The following MYO18B variants were observed in gnomAD, a reference collection of about 807,000 sequenced individuals.
The protein encoded by MYO18B is unconventional myosin-XVIIIb.
A neutral mutation model predicts 273.0 loss-of-function variants in MYO18B; 204 were observed. That is an observed-to-expected ratio of 0.75 (90% confidence interval 0.67 to 0.84). The LOEUF is 0.84. Among genes scored for constraint, MYO18B ranks in the 40% least tolerant of loss-of-function variants. The pLI, the probability that MYO18B is intolerant of heterozygous loss-of-function variation, is 0.00. For missense variants in MYO18B, 3,212 were observed against 3,287.6 expected, an observed-to-expected ratio of 0.98 and a Z score of 0.56; for synonymous variants, 1,330 against 1,305.7, an observed-to-expected ratio of 1.02 and a Z score of -0.40.
intron 12 of MYO18B, among the ~76,000 whole-genome samples, chr22:25,803,913 A>G (rs1233426308): frequency 1.3e-5 from 2 of 150,418 alleles, no homozygotes; most frequent in African/African-American, 4.9e-5. Context: ...GTTGGGGTTT[A>G]CACTATTTTG....
chr22:26,022,882 G>C (rs146451778), intron 42 of MYO18B, among the ~76,000 whole-genome samples: 330 of 152,346 alleles, frequency 2.2e-3, no homozygotes, highest in Admixed American at 3.9e-3. Flanking sequence ...TGCCAGCATA[G>C]CTGGGAACCT....
intron 36 of MYO18B, among the ~76,000 whole-genome samples, chr22:25,948,408 T>G (rs1361951006): frequency 1.4e-4 from 2 of 13,820 alleles, no homozygotes; most frequent in Non-Finnish European, 5.0e-4. Context: ...TTTCCTGTCT[T>G]TCCTTCCTTC....
intron 40 of MYO18B, among the ~76,000 whole-genome samples, chr22:25,997,978 C>CACACACACACACGAGA (rs34431605): frequency 5.5e-5 from 8 of 144,548 alleles, no homozygotes; most frequent in African/African-American, 2.1e-4. Flanking sequence ...CACACACACA[C>CACACACACACACGAGA]GAGAGAGAGA....
chr22:25,903,823 C>G lies in MYO18B; in HGVS notation c.5140C>G (p.Leu1714Val). The change falls in exon 31 of 44, where the codon CTG becomes GTG. Residue 1714 changes from leucine (L) to valine (V), a missense_variant. Leu to Val is a conservative substitution (Grantham distance 32). Coordinates refer to ENST00000335473, the MANE Select transcript of MYO18B (RefSeq NM_032608.7). ...QSQQENTIKQ[L>V]EQLRQRFELE... Reference sequence around the variant, plus strand: ...CCAGCAGGAAAACACCATCAAGCAGCTGGAGCAGGTAGGAAAGCCCTGTCT... The same window carrying G: ...CCAGCAGGAAAACACCATCAAGCAGGTGGAGCAGGTAGGAAAGCCCTGTCT... 1 of 1,597,366 alleles carries G rather than the reference C, an allele frequency of 6.3e-7. No homozygotes were observed. The highest frequency in any genetic ancestry group is 8.5e-7 in the Non-Finnish European group (1 of 1,172,342).
intron 19 of MYO18B, among the ~76,000 whole-genome samples, chr22:25,847,089 A>AG (rs2146020215): frequency 6.6e-6 from 1 of 151,558 alleles, no homozygotes; most frequent in East Asian, 1.9e-4. Flanking sequence ...AAAAAAAAAA[A>AG]AATAAAGAAA....
intron 42 of MYO18B, among the ~76,000 whole-genome samples, chr22:26,011,710 G>A (rs1022641779): frequency 1.3e-5 from 2 of 152,162 alleles, no homozygotes; most frequent in African/African-American, 4.8e-5. Context: ...AATTAGTGAT[G>A]CTGTGCTTTG....
chr22:25,956,218 T>C (rs1374460265), intron 39 of MYO18B, among the ~76,000 whole-genome samples: 2 of 151,936 alleles, frequency 1.3e-5, no homozygotes, highest in South Asian at 2.1e-4. Context: ...GAACCTTTTT[T>C]TTTTTTTTTT....
At chr22:25,782,743 G>C (rs1484671518) in intron 10 of MYO18B, among the ~76,000 whole-genome samples, 1 of 152,110 alleles carries the variant, frequency 6.6e-6, no homozygotes, top group Non-Finnish European at 1.5e-5. Context: ...TGTCTGGAGT[G>C]TCCTGGCTAA....
rs528742072 is a variant in MYO18B, at chr22:25,948,360, TCACCTATC to T, written c.5748+543_5748+550del. Reference sequence around the variant, plus strand: ...ATCCTACCACCGCTTACCCATTTATTCACCTATCCACCTATCCAACCATCATTTTCTTT... The same window carrying T: ...ATCCTACCACCGCTTACCCATTTATTCACCTATCCAACCATCATTTTCTTT... On this transcript the variant is annotated intron_variant, in intron 36 of 43. Coordinates refer to ENST00000335473, the MANE Select transcript of MYO18B (RefSeq NM_032608.7). Among the ~76,000 whole-genome samples the T allele has an allele frequency of 9.8e-5, 15 of 152,290 alleles. No homozygotes were observed. In the South Asian group the frequency reaches 3.1e-3, roughly 32 times the overall value.
rs182838577 is a variant in MYO18B, at chr22:25,769,040, C to T, written c.1124C>T (p.Ala375Val). 9.9e-6 allele frequency: 16 copies of T among 1,611,816 alleles called. No individual in the cohort carries two copies. The highest frequency in any genetic ancestry group is 1.4e-5 in the Non-Finnish European group (16 of 1,178,880). ...GACGATCTGAGAATGGGGGAGAAAGCAGGTGAGCTTCGGAGCACGACTGGG... is the reference window on the plus strand; with the variant it reads ...GACGATCTGAGAATGGGGGAGAAAGTAGGTGAGCTTCGGAGCACGACTGGG... ...LGDDLRMGEK[A>V]GELRSTTGKA... The change falls in exon 4 of 44, where the codon GCA becomes GTA. Residue 375 changes from alanine to valine, a missense_variant. Physicochemically the swap from Ala to Val is moderately conservative, Grantham distance 64. Transcript: ENST00000335473.
intron 39 of MYO18B, among the ~76,000 whole-genome samples, chr22:25,980,697 C>T (rs193005054): frequency 6.8e-4 from 104 of 152,278 alleles, no homozygotes; most frequent in African/African-American, 2.5e-3. Context: ...GTTCTACATT[C>T]TCTATAGTGA....
At chr22:25,993,439 C>T (rs886807016) in intron 40 of MYO18B, among the ~76,000 whole-genome samples, 1 of 152,146 alleles carries the variant, frequency 6.6e-6, no homozygotes, top group Admixed American at 6.5e-5. Flanking sequence ...GCAAGCTGCC[C>T]CTGTACACAC....
In MYO18B at chr22:26,000,358, T is replaced by C. The variant is rs1465936239; in HGVS notation, c.6288-2907T>C. On this transcript the variant is annotated intron_variant, in intron 40 of 43. Transcript: ENST00000335473. ...ACAGAGGAAGGTTTTGGGCTAAGCC[T>C]TCCTCCTAGGTCTCTCTTCTTGACC... Among the ~76,000 whole-genome samples, 4 of 152,150 alleles carry C rather than the reference T, an allele frequency of 2.6e-5. No homozygotes were observed. The South Asian group carries it at 6.2e-4, about 24-fold the overall frequency.
At chr22:25,813,552 G>C (rs1334321405) in intron 12 of MYO18B, among the ~76,000 whole-genome samples, 1 of 152,152 alleles carries the variant, frequency 6.6e-6, no homozygotes, top group Non-Finnish European at 1.5e-5. Flanking sequence ...AGAGACCCTT[G>C]AACTGAATCT....
chr22:25,981,944 G>A (rs1317549993), intron 39 of MYO18B, among the ~76,000 whole-genome samples: 1 of 152,146 alleles, frequency 6.6e-6, no homozygotes, highest in African/African-American at 2.4e-5. Flanking sequence ...GGTGTAATTG[G>A]CTCATAGTTC....
chr22:25,846,257 C>T lies in MYO18B; in HGVS notation c.3526C>T (p.Pro1176Ser). The T allele has an allele frequency of 1.2e-6, 2 of 1,612,020 alleles. No individual in the cohort carries two copies. Among genetic ancestry groups the T allele is most frequent in the Non-Finnish European group, 1.7e-6 (2 of 1,179,790 alleles). Residue 1176 changes from proline (P) to serine (S), a missense_variant, in exon 19 of 44, where the codon CCG (proline) becomes TCG (serine). Pro to Ser is a moderately conservative substitution (Grantham distance 74). Transcript: ENST00000335473. ...SSLAAVRRKA[P>S]CSQIKLQMDA... ...CCTTGCCGCGGTGAGGAGGAAAGCC[C>T]CGTGCTCCCAGATCAAGCTGCAGAT...
intron 21 of MYO18B, among the ~76,000 whole-genome samples, chr22:25,866,772 G>A (rs2090899718): frequency 1.6e-5 from 2 of 123,834 alleles, no homozygotes; most frequent in South Asian, 2.7e-4. Context: ...GTGACAGAGC[G>A]AGACTCCGTC....
In MYO18B at chr22:25,843,747, T is replaced by G. The variant is rs772673393; in HGVS notation, c.3221T>G (p.Leu1074Arg). 5 of 1,613,570 alleles carry G rather than the reference T, an allele frequency of 3.1e-6. No individual in the cohort carries two copies. The East Asian group carries it at 1.1e-4, about 36-fold the overall frequency. Residue 1074 changes from leucine (L) to arginine (R), a missense_variant, in exon 18 of 44, where the codon CTG becomes CGG. By Grantham distance (102) the Leu-to-Arg change is moderately radical. Transcript: ENST00000335473. ...KGAGTEGSSA[L>R]RTCEQPLQCE... ...TGTCTGTTTCCAGGGTCCTCTGCCC[T>G]GCGGACCTGTGAGCAGCCCCTCCAG... is the stretch of plus-strand genomic sequence containing the variant.
At chr22:25,889,265 G>A (rs1462077814) in intron 25 of MYO18B, among the ~76,000 whole-genome samples, 2 of 152,116 alleles carry the variant, frequency 1.3e-5, no homozygotes, top group Non-Finnish European at 2.9e-5. Flanking sequence ...TGACAGTACC[G>A]AGAGAGGCTA....
Sources: gnomAD v4.1 joint callset for allele counts (sites outside exome capture counted in the v4.1 genomes callset) on GRCh38, gnomAD v4.1.1 for gene constraint, MANE v1.5 for transcripts, NCBI Gene and HGNC (gene_info 2026-07-23, HGNC 2026-07-21) for gene names.